The following RABGAP1L variants were observed in gnomAD, a reference collection of about 807,000 sequenced individuals.
RABGAP1L encodes RAB GTPase activating protein 1 like.
RABGAP1L carries 63 observed loss-of-function variants against 137.7 expected under a neutral mutation model. The ratio of observed to expected loss-of-function variants is 0.46; its 90% CI spans 0.37 to 0.56. The LOEUF is 0.56. Ranked by LOEUF, RABGAP1L falls within the 20% of genes least tolerant of loss-of-function variation. The pLI is 0.00. For synonymous variants in RABGAP1L, 431 were observed against 433.7 expected, an observed-to-expected ratio of 0.99 and a Z score of 0.08; for missense variants, 1,095 against 1,244.0, an observed-to-expected ratio of 0.88 and a Z score of 1.80.
At chr1:174,746,789 T>A (rs1451182565) in intron 17 of RABGAP1L, among the ~76,000 whole-genome samples, 2 of 152,256 alleles carry the variant, frequency 1.3e-5, no homozygotes, top group African/African-American at 4.8e-5. Flanking sequence ...TAAATCTTGA[T>A]TTCCTTGTGT....
At chr1:174,760,845 G>A (rs77417259) in intron 18 of RABGAP1L, among the ~76,000 whole-genome samples, 3,367 of 152,016 alleles carry the variant, frequency 0.022, 55 homozygotes, top group Middle Eastern at 0.085. Flanking sequence ...TTGTTTTTTG[G>A]CTTTTTAATA....
intron 17 of RABGAP1L, among the ~76,000 whole-genome samples, chr1:174,709,881 G>A (rs970947818): frequency 8.5e-5 from 13 of 152,176 alleles, no homozygotes; most frequent in Non-Finnish European, 1.6e-4. Flanking sequence ...ACTCCTCTGA[G>A]CTAAAGACAC....
At chr1:174,401,287 T>C (rs1164814938) in intron 13 of RABGAP1L, among the ~76,000 whole-genome samples, 1 of 152,128 alleles carries the variant, frequency 6.6e-6, no homozygotes, top group African/African-American at 2.4e-5. Flanking sequence ...TCCTTAACTA[T>C]CTTCAGTCTC....
At chr1:174,885,739 G>A (rs913795333) in intron 19 of RABGAP1L, among the ~76,000 whole-genome samples, 2 of 151,996 alleles carry the variant, frequency 1.3e-5, no homozygotes, top group East Asian at 2.0e-4. Context: ...AGGCTGAGGC[G>A]AGTGGATCAC....
chr1:174,384,321 C>G (rs920093367), intron 12 of RABGAP1L, among the ~76,000 whole-genome samples: 3 of 152,246 alleles, frequency 2.0e-5, no homozygotes, highest in Non-Finnish European at 4.4e-5. Flanking sequence ...AATGAGGGAA[C>G]TATCCTGTAT....
chr1:174,810,832 C>G (rs1048574852), intron 18 of RABGAP1L, among the ~76,000 whole-genome samples: 3 of 151,786 alleles, frequency 2.0e-5, no homozygotes, highest in African/African-American at 7.3e-5. Context: ...TTACAGTGAC[C>G]CATGCCTGTA....
intron 13 of RABGAP1L, among the ~76,000 whole-genome samples, chr1:174,515,373 C>G (rs1662729015): frequency 6.6e-6 from 1 of 152,060 alleles, no homozygotes; most frequent in African/African-American, 2.4e-5. Flanking sequence ...AAATGTGTGT[C>G]CCTGTGTTTG....
chr1:174,828,903 G>C (rs941576022), intron 19 of RABGAP1L, among the ~76,000 whole-genome samples: 1 of 148,260 alleles, frequency 6.7e-6, no homozygotes, highest in African/African-American at 2.5e-5. Context: ...GTAGCTGTTT[G>C]ATCTCTGGCA....
intron 17 of RABGAP1L, among the ~76,000 whole-genome samples, chr1:174,749,911 T>C (rs1684208821): frequency 6.6e-6 from 1 of 152,146 alleles, no homozygotes; most frequent in Non-Finnish European, 1.5e-5. Flanking sequence ...GGAGTCTCGC[T>C]CTGTCACCCA....
chr1:174,168,427 A>G (rs1571341090), intron 1 of RABGAP1L, among the ~76,000 whole-genome samples: 1 of 152,140 alleles, frequency 6.6e-6, no homozygotes, highest in South Asian at 2.1e-4. Context: ...CAGCTGTTTT[A>G]TCACCAGACC....
chr1:174,528,152 T>C (rs1354821907), intron 13 of RABGAP1L, among the ~76,000 whole-genome samples: 1 of 152,132 alleles, frequency 6.6e-6, no homozygotes, highest in Non-Finnish European at 1.5e-5. Context: ...TTCTAGGTGG[T>C]TATTAATATA....
chr1:174,601,507 G>A (rs1331313276), intron 13 of RABGAP1L, among the ~76,000 whole-genome samples: 1 of 151,562 alleles, frequency 6.6e-6, no homozygotes, highest in Non-Finnish European at 1.5e-5. Context: ...GGGGTTGGGG[G>A]CAGGGGGAGG....
chr1:174,472,872 A>G (rs1658094852), intron 13 of RABGAP1L, among the ~76,000 whole-genome samples: 2 of 152,208 alleles, frequency 1.3e-5, no homozygotes, highest in African/African-American at 2.4e-5. Flanking sequence ...TCCAGTTGCC[A>G]GCAAAGGGCC....
At chr1:174,603,971 G>T (rs1371470215) in intron 13 of RABGAP1L, among the ~76,000 whole-genome samples, 1 of 151,654 alleles carries the variant, frequency 6.6e-6, no homozygotes, top group Non-Finnish European at 1.5e-5. Flanking sequence ...CAAGCAGAAG[G>T]AAGGAGTTTC....
At chr1:174,560,752 T>A (rs879638526) in intron 13 of RABGAP1L, among the ~76,000 whole-genome samples, 1 of 152,114 alleles carries the variant, frequency 6.6e-6, no homozygotes. Context: ...GTGTCTGTTG[T>A]TCCCATCTTT....
At chr1:174,364,243 C>CTTTTTCT (rs1684395512) in intron 11 of RABGAP1L, among the ~76,000 whole-genome samples, 1 of 81,184 alleles carries the variant, frequency 1.2e-5, no homozygotes, top group Non-Finnish European at 2.2e-5. Context: ...TTTGGATTTC[C>CTTTTTCT]TTTTTTTTTT....
chr1:174,378,482 C>G (rs1685780754), intron 12 of RABGAP1L, among the ~76,000 whole-genome samples: 1 of 151,710 alleles, frequency 6.6e-6, no homozygotes, highest in African/African-American at 2.4e-5. Context: ...GCCATTCTGA[C>G]TGGTGTGAGA....
At chr1:174,659,236 CAAAA>C (rs11333708) in intron 14 of RABGAP1L, among the ~76,000 whole-genome samples, 2 of 124,556 alleles carry the variant, frequency 1.6e-5, no homozygotes, top group Admixed American at 8.2e-5. Flanking sequence ...TTTACTTTAC[CAAAA>C]AAAAAAAAAA....
chr1:174,881,046 A>G (rs1654114474), intron 19 of RABGAP1L, among the ~76,000 whole-genome samples: 1 of 152,204 alleles, frequency 6.6e-6, no homozygotes, highest in Non-Finnish European at 1.5e-5. Flanking sequence ...GGAACATCCT[A>G]TGCTCAATAA....
Sources: allele counts gnomAD v4.1 joint callset (sites outside exome capture counted in the v4.1 genomes callset), GRCh38; gene constraint gnomAD v4.1.1; transcripts MANE v1.5; gene names NCBI Gene and HGNC (gene_info 2026-07-23, HGNC 2026-07-21).